Variants in PPP6R2 observed in about 807,000 individuals in gnomAD.
PPP6R2 encodes the protein serine/threonine-protein phosphatase 6 regulatory subunit 2.
In PPP6R2, 62 loss-of-function variants were observed where a neutral mutation model predicts 100.2. The ratio of observed to expected loss-of-function variants is 0.62; its 90% confidence interval spans 0.50 to 0.76. PPP6R2 has a LOEUF of 0.76. Ranked by LOEUF, PPP6R2 falls within the 30% of genes least tolerant of loss-of-function variation. PPP6R2 has a pLI of 0.00. For synonymous variants in PPP6R2, 525 were observed against 514.7 expected, an observed-to-expected ratio of 1.02 and a Z score of -0.27; for missense variants, 1,142 against 1,276.3, an observed-to-expected ratio of 0.89 and a Z score of 1.60.
intron 8 of PPP6R2, 42 bp downstream of exon 8, chr22:50,419,504 G>A (rs561683900): frequency 1.8e-5 from 25 of 1,418,888 alleles, no homozygotes; most frequent in South Asian, 2.3e-5. Context: ...TGAACTTGAC[G>A]CCTCAGTGAT....
At chr22:50,400,842 A>C (rs2057900314) in intron 3 of PPP6R2, among the ~76,000 whole-genome samples, 1 of 152,116 alleles carries the variant, frequency 6.6e-6, no homozygotes, top group African/African-American at 2.4e-5. Flanking sequence ...TAGTCTGTAC[A>C]TTTGTGACAT....
chr22:50,442,829 G>A (rs933867900), intron 22 of PPP6R2, among the ~76,000 whole-genome samples: 20 of 150,992 alleles, frequency 1.3e-4, no homozygotes, highest in Non-Finnish European at 2.5e-4. Flanking sequence ...TGGGATTACA[G>A]GTGTGAGCCA....
intron 1 of PPP6R2, among the ~76,000 whole-genome samples, chr22:50,365,420 T>C (rs1316252789): frequency 1.3e-5 from 2 of 151,952 alleles, no homozygotes; most frequent in African/African-American, 4.8e-5. Flanking sequence ...GGCTCACGCC[T>C]GTAATCCCAG....
intron 13 of PPP6R2, 113 bp from the exon 14 acceptor site, chr22:50,436,254 A>T: frequency 1.1e-6 from 1 of 896,998 alleles, no homozygotes; most frequent in Non-Finnish European, 1.8e-6. Context: ...GGCTGACCAC[A>T]GTAGCAGCGC....
At chr22:50,343,041 G>A (rs1034131685), upstream of PPP6R2, among the ~76,000 whole-genome samples, 13 of 152,194 alleles carry the variant, frequency 8.5e-5, no homozygotes, top group Non-Finnish European at 1.9e-4. Context: ...GGATTGTTTT[G>A]TGGCTACAAC....
intron 1 of PPP6R2, among the ~76,000 whole-genome samples, chr22:50,351,896 C>A (rs1455190286): frequency 2.0e-5 from 3 of 152,042 alleles, no homozygotes; most frequent in Non-Finnish European, 4.4e-5. Context: ...CAGGTTCATG[C>A]CATTCTCCTG....
At chr22:50,439,938 C>G (rs781184254) in intron 20 of PPP6R2, 23 bp from the exon 21 acceptor site, 1 of 1,612,026 alleles carries the variant, frequency 6.2e-7, no homozygotes, top group Non-Finnish European at 8.5e-7. Flanking sequence ...CAGGACTGAT[C>G]CTGTCCTCGT....
At chr22:50,356,866 A>G (rs1241559925) in intron 1 of PPP6R2, among the ~76,000 whole-genome samples, 4 of 151,744 alleles carry the variant, frequency 2.6e-5, no homozygotes, top group Admixed American at 6.6e-5. Flanking sequence ...CCCGGGAGGC[A>G]GAGGTTGCAG....
At position 50,356,388 on chromosome 22, in the gene PPP6R2, A is replaced by T. The variant is rs530779951; in HGVS notation, c.-148+12838A>T. 8.0e-5 allele frequency among the ~76,000 whole-genome samples: 12 copies of T among 149,386 alleles called. No individual in the cohort carries two copies. In the South Asian group the frequency reaches 2.6e-3, roughly 32 times the overall value. ...AATGATCGTTGTCACAGAAGTCTCA[A>T]CCTTCCCAGGCTGAGGTAGTCATCA... is the stretch of plus-strand genomic sequence containing the variant. On this transcript the variant is annotated intron_variant, in intron 1 of 23. Transcript: ENST00000612753.
chr22:50,337,570 CTG>C, the PPP6R2 span, among the ~76,000 whole-genome samples: 4 of 83,188 alleles, frequency 4.8e-5, no homozygotes, highest in Admixed American at 1.3e-4. Context: ...GTCTGTGTGT[CTG>C]TGTAGTGTGT....
At chr22:50,380,601 C>T (rs2148661205) in intron 2 of PPP6R2, among the ~76,000 whole-genome samples, 1 of 151,570 alleles carries the variant, frequency 6.6e-6, no homozygotes, top group Non-Finnish European at 1.5e-5. Flanking sequence ...CCTCGTGATC[C>T]AACCACTTTT....
In PPP6R2 at chr22:50,437,865, G is replaced by C. The variant is rs191912498; in HGVS notation, c.1804G>C (p.Glu602Gln). The change falls in exon 17 of 24, where the codon GAG (glutamate) becomes CAG (glutamine). Residue 602 changes from glutamate to glutamine, a missense_variant. This residue lies in a region of PPP6R2 where 550 missense variants were observed against 517.4 expected (regional missense o/e 1.06). Coordinates refer to ENST00000612753, the MANE Select transcript of PPP6R2 (RefSeq NM_001242898.2). ...CAGTGCCCCGTTTGACAGGATCGCAGAGATCAACTTCAACATCGACGCTGA... is the reference window on the plus strand; with the variant it reads ...CAGTGCCCCGTTTGACAGGATCGCACAGATCAACTTCAACATCGACGCTGA... ...NINAPFDRIA[E>Q]INFNIDADED... 7.7e-6 allele frequency: 12 copies of C among 1,554,074 alleles called. No homozygotes were observed. The African/African-American group carries it at 1.6e-4, about 21-fold the overall frequency.
In PPP6R2 at chr22:50,444,535, TG is replaced by T. The variant is rs2066615467; in HGVS notation, c.*293del. 2.0e-3 allele frequency: 137 copies of T among 67,378 alleles called. 2 individuals are homozygous for T. The highest frequency in any genetic ancestry group is 3.1e-3 in the Non-Finnish European group (122 of 39,358). The allele number at this position is 67,378 out of a possible 1,614,324, so 4.2% of individuals were successfully genotyped here. A position where few individuals can be genotyped will look rare whatever the true frequency, so the allele number is the denominator to read the frequency against. ...CGGCCTGCAGGAGCCGGGGTGGGGGTGGGGGTGGGGGGGGCAGGACCCTGAG... is the reference window on the plus strand; with the variant it reads ...CGGCCTGCAGGAGCCGGGGTGGGGGTGGGGTGGGGGGGGCAGGACCCTGAG... On this transcript the variant is annotated 3_prime_UTR_variant, in exon 24 of 24. Transcript: ENST00000612753.
intron 1 of PPP6R2, among the ~76,000 whole-genome samples, chr22:50,353,911 G>T: frequency 6.7e-6 from 1 of 148,692 alleles, no homozygotes; most frequent in South Asian, 2.1e-4. Context: ...GAAGAACAAA[G>T]AAAATTAAAA....
chr22:50,413,925 C>T (rs1206714516), intron 4 of PPP6R2, among the ~76,000 whole-genome samples: 1 of 152,236 alleles, frequency 6.6e-6, no homozygotes, highest in Non-Finnish European at 1.5e-5. Flanking sequence ...TCCACTGTTA[C>T]CTTGGATCCG....
At chr22:50,378,202 A>G (rs75998831) in intron 2 of PPP6R2, among the ~76,000 whole-genome samples, 6,800 of 152,316 alleles carry the variant, frequency 0.045, 504 homozygotes, top group African/African-American at 0.16. Context: ...AATGGAAACC[A>G]GAAGCCAGTG....
chr22:50,440,980 G>GC lies in PPP6R2; in HGVS notation c.2540dup (p.Leu848AlafsTer18), dbSNP rs777185590. ...GGTGAGCAGGGGTCCCGGCCGGGAGGCCCCCCCGCTGCCCACAGTGGCCAG... is the reference window on the plus strand; with the variant it reads ...GGTGAGCAGGGGTCCCGGCCGGGAGGCCCCCCCCGCTGCCCACAGTGGCCAG... On this transcript the variant is annotated frameshift_variant, in exon 22 of 24. Coordinates refer to ENST00000612753, the MANE Select transcript of PPP6R2 (RefSeq NM_001242898.2). LOFTEE classifies it high-confidence loss of function. The GC allele has an allele frequency of 8.1e-6, 13 of 1,610,652 alleles. No homozygotes were observed. The highest frequency in any genetic ancestry group is 1.1e-5 in the South Asian group (1 of 90,960).
chr22:50,415,363 G>C (rs796224648), intron 5 of PPP6R2, among the ~76,000 whole-genome samples: 18 of 152,324 alleles, frequency 1.2e-4, no homozygotes, highest in African/African-American at 3.6e-4. Flanking sequence ...GGTTAGTAAT[G>C]CTTCCTCAGG....
intron 10 of PPP6R2, among the ~76,000 whole-genome samples, chr22:50,424,808 T>C (rs2061867908): frequency 6.6e-6 from 1 of 151,908 alleles, no homozygotes; most frequent in Non-Finnish European, 1.5e-5. Flanking sequence ...CAGCTAATTT[T>C]TTTTTGTATT....
Sources: gnomAD v4.1 joint callset for allele counts (sites outside exome capture counted in the v4.1 genomes callset) on GRCh38, gnomAD v4.1.1 for gene constraint, gnomAD v4.1.1 regional missense constraint, MANE v1.5 for transcripts, NCBI Gene and HGNC (gene_info 2026-07-23, HGNC 2026-07-21) for gene names.